PRR16: variants seen among roughly 807,000 people sequenced by gnomAD.
The protein encoded by PRR16 is proline rich 16, also known as protein Largen.
PRR16 carries 6 observed loss-of-function variants against 18.2 expected under a neutral mutation model. That is an observed-to-expected ratio of 0.33 (90% confidence interval 0.18 to 0.65). The LOEUF is 0.65. Ranked by LOEUF, PRR16 falls within the 30% of genes least tolerant of loss-of-function variation. The probability of loss-of-function intolerance (pLI) is 0.74; values close to 1 mark genes in which losing one functional copy is unlikely to be tolerated. For synonymous variants in PRR16, 151 were observed against 147.8 expected (o/e 1.02, Z -0.16); for missense variants, 412 against 376.6 (o/e 1.09, Z -0.78).
chr5:120,652,279 C>A (rs916798328), intron 1 of PRR16, among the ~76,000 whole-genome samples: 1 of 151,874 alleles, frequency 6.6e-6, no homozygotes, highest in Non-Finnish European at 1.5e-5. Flanking sequence ...ATGAATTGGA[C>A]CTGTGGTAAA....
chr5:120,745,111 TAAG>T, the PRR16 span, among the ~76,000 whole-genome samples: 7 of 152,176 alleles, frequency 4.6e-5, no homozygotes, highest in Non-Finnish European at 1.0e-4. Flanking sequence ...TCCCTAATCA[TAAG>T]AAGATAATGA....
At chr5:120,772,195 C>A in the PRR16 span, among the ~76,000 whole-genome samples, 6,567 of 152,092 alleles carry the variant, frequency 0.043, 185 homozygotes, top group South Asian at 0.078. Context: ...TCAAAACATG[C>A]AGTATTGCAA....
intron 1 of PRR16, among the ~76,000 whole-genome samples, chr5:120,630,613 A>C (rs903604744): frequency 1.3e-5 from 2 of 152,030 alleles, no homozygotes; most frequent in Non-Finnish European, 2.9e-5. Flanking sequence ...TGAGGAAAAC[A>C]TCCATGTCTT....
chr5:120,717,147 C>A, the PRR16 span, among the ~76,000 whole-genome samples: 1 of 152,074 alleles, frequency 6.6e-6, no homozygotes, highest in Non-Finnish European at 1.5e-5. Flanking sequence ...AAATGTTTTT[C>A]TACACTAATA....
intron 1 of PRR16, among the ~76,000 whole-genome samples, chr5:120,682,451 T>C (rs1757002410): frequency 1.3e-5 from 2 of 152,196 alleles, no homozygotes; most frequent in African/African-American, 2.4e-5. Flanking sequence ...TGGAATTTTA[T>C]AGGCACTCAG....
At chr5:120,606,350 A>G (rs565050214) in intron 1 of PRR16, among the ~76,000 whole-genome samples, 127 of 152,232 alleles carry the variant, frequency 8.3e-4, no homozygotes, top group African/African-American at 2.8e-3. Context: ...TGACTTATAT[A>G]AAAGAAATTT....
the PRR16 span, among the ~76,000 whole-genome samples, chr5:120,757,300 G>GTTCT: frequency 1.3e-5 from 2 of 151,976 alleles, no homozygotes; most frequent in African/African-American, 4.8e-5. Flanking sequence ...GGCTATGCAG[G>GTTCT]TTCTTTTTTG....
the PRR16 span, among the ~76,000 whole-genome samples, chr5:120,743,254 T>C: frequency 1.3e-5 from 2 of 152,186 alleles, no homozygotes; most frequent in African/African-American, 4.8e-5. Flanking sequence ...AGTTATTTTA[T>C]TTTCACTTTT....
At chr5:120,533,923 G>T (rs1751631610) in intron 1 of PRR16, among the ~76,000 whole-genome samples, 1 of 152,188 alleles carries the variant, frequency 6.6e-6, no homozygotes, top group Admixed American at 6.6e-5. Flanking sequence ...GATATGTGTT[G>T]AAAGTATAAC....
chr5:120,689,565 CTT>C (rs1417163526), downstream of PRR16, among the ~76,000 whole-genome samples: 4 of 152,118 alleles, frequency 2.6e-5, no homozygotes, highest in African/African-American at 9.7e-5. Flanking sequence ...CATTTGAACA[CTT>C]TTATTTACAC....
intron 1 of PRR16, chr5:120,617,261 G>C: frequency 1.4e-6 from 1 of 699,680 alleles, no homozygotes; most frequent in Non-Finnish European, 1.8e-6. Context: ...TAAGAAACAT[G>C]CAAACCAATA....
intron 1 of PRR16, among the ~76,000 whole-genome samples, chr5:120,545,467 A>G (rs1290935124): frequency 6.6e-6 from 1 of 152,068 alleles, no homozygotes; most frequent in Non-Finnish European, 1.5e-5. Context: ...AATGTCACAA[A>G]GAAGTCTGAA....
chr5:120,555,338 C>A (rs1752374421), intron 1 of PRR16, among the ~76,000 whole-genome samples: 1 of 151,934 alleles, frequency 6.6e-6, no homozygotes, highest in Admixed American at 6.6e-5. Flanking sequence ...TCAGCTTAGG[C>A]TGCCACGACA....
intron 1 of PRR16, among the ~76,000 whole-genome samples, chr5:120,575,550 C>G (rs1274880944): frequency 6.6e-6 from 1 of 151,880 alleles, no homozygotes; most frequent in African/African-American, 2.4e-5. Flanking sequence ...AAATGAAGGC[C>G]AAAACATCAT....
At chr5:120,791,826 ATGT>A in the PRR16 span, among the ~76,000 whole-genome samples, 1 of 152,136 alleles carries the variant, frequency 6.6e-6, no homozygotes, top group South Asian at 2.1e-4. Context: ...AACTCCCAAC[ATGT>A]TGTTCTGTAC....
intron 1 of PRR16, among the ~76,000 whole-genome samples, chr5:120,529,102 G>C (rs979411690): frequency 3.3e-5 from 5 of 151,942 alleles, no homozygotes; most frequent in Non-Finnish European, 5.9e-5. Context: ...ATATGTATTA[G>C]AACAGTACAC....
the PRR16 span, among the ~76,000 whole-genome samples, chr5:120,763,100 G>T: frequency 6.6e-6 from 1 of 151,960 alleles, no homozygotes. Context: ...ATGTGGATTT[G>T]TTTCTGGATT....
chr5:120,480,015 A>G (rs903011077), intron 1 of PRR16, among the ~76,000 whole-genome samples: 2 of 152,252 alleles, frequency 1.3e-5, no homozygotes, highest in Non-Finnish European at 2.9e-5. Flanking sequence ...TCAAAACTAG[A>G]CATACACCCT....
chr5:120,627,327 A>G (rs1241211687), intron 1 of PRR16, among the ~76,000 whole-genome samples: 1 of 151,904 alleles, frequency 6.6e-6, no homozygotes, highest in African/African-American at 2.4e-5. Context: ...GTAGATACTT[A>G]ACAAGTACTG....
Sources: allele counts gnomAD v4.1 joint callset (sites outside exome capture counted in the v4.1 genomes callset), GRCh38; gene constraint gnomAD v4.1.1; transcripts MANE v1.5; gene names NCBI Gene and HGNC (gene_info 2026-07-23, HGNC 2026-07-21).